SYNE1: variants seen among roughly 807,000 people sequenced by gnomAD.
SYNE1 encodes nesprin-1.
SYNE1 carries 616 observed loss-of-function variants against 1,111.0 expected under a neutral mutation model. That is an observed-to-expected ratio of 0.55 (90% confidence interval 0.52 to 0.59). The LOEUF is 0.59. Among genes scored for constraint, SYNE1 ranks in the 20% least tolerant of loss-of-function variants. The probability of loss-of-function intolerance (pLI) is 0.00; values close to 1 mark genes in which losing one functional copy is unlikely to be tolerated. For synonymous variants in SYNE1, 3,855 were observed against 3,825.8 expected (o/e 1.01, Z -0.28); for missense variants, 10,006 against 10,417.0 (o/e 0.96, Z 1.72).
chr6:152,632,627 C>T (rs1037416897), intron 2 of SYNE1, among the ~76,000 whole-genome samples: 1 of 152,130 alleles, frequency 6.6e-6, no homozygotes, highest in African/African-American at 2.4e-5. Flanking sequence ...AGGAAATGCA[C>T]AGACTTTGAT....
chr6:152,444,365 C>A, intron 30 of SYNE1, 46 bp downstream of exon 30: 3 of 1,600,594 alleles, frequency 1.9e-6, no homozygotes, highest in Non-Finnish European at 2.6e-6. Context: ...CTTTCAGTAG[C>A]AAATCAACTT....
At position 152,125,620 on chromosome 6, in the gene SYNE1, G is replaced by A. The variant is rs1585423603; in HGVS notation, c.26154-2944C>T. On this transcript the variant is annotated intron_variant, in intron 145 of 145. Coordinates refer to ENST00000367255, the MANE Select transcript of SYNE1 (RefSeq NM_182961.4). ...CCCTGGCAACCAACACTCAACACCT[G>A]TAGCTAGATGAGTTATAACAGAGTG... The A allele has an allele frequency of 2.5e-5, 9 of 356,436 alleles. No homozygotes were observed. The East Asian group carries it at 3.9e-4, about 15-fold the overall frequency. The allele number at this position is 356,436 out of a possible 1,614,324, so 22.1% of individuals were successfully genotyped here. A position where few individuals can be genotyped will look rare whatever the true frequency, so the allele number is the denominator to read the frequency against.
intron 30 of SYNE1, among the ~76,000 whole-genome samples, 153 bp from the exon 31 acceptor site, chr6:152,442,398 A>T (rs985179376): frequency 1.3e-5 from 2 of 152,212 alleles, no homozygotes; most frequent in African/African-American, 4.8e-5. Context: ...GTCGGTTGCT[A>T]TATTAGTCAA....
chr6:152,182,987 G>A (rs2068560187), intron 128 of SYNE1, among the ~76,000 whole-genome samples: 1 of 84,100 alleles, frequency 1.2e-5, no homozygotes, highest in Non-Finnish European at 2.1e-5. Flanking sequence ...AAAGGGCAGT[G>A]AACTTGGGGT....
intron 59 of SYNE1, 82 bp from the exon 60 acceptor site, chr6:152,369,696 AC>A: frequency 6.5e-7 from 1 of 1,549,562 alleles, no homozygotes; most frequent in Non-Finnish European, 8.8e-7. Flanking sequence ...TTCAAAGTCC[AC>A]CCAGGCTGGG....
intron 23 of SYNE1, 67 bp downstream of exon 23, chr6:152,455,819 G>A (rs184791184): frequency 1.3e-5 from 21 of 1,608,030 alleles, no homozygotes; most frequent in African/African-American, 4.0e-5. Context: ...AAGCACGAGT[G>A]ATGGTTTCTT....
At chr6:152,586,458 T>C (rs2099539310) in intron 3 of SYNE1, among the ~76,000 whole-genome samples, 1 of 152,218 alleles carries the variant, frequency 6.6e-6, no homozygotes, top group Non-Finnish European at 1.5e-5. Context: ...TTTTAACAGC[T>C]TTTCAGTTAA....
rs146161855 is a variant in SYNE1 at position 152,358,433 on chromosome 6, G to T, written c.10548C>A (p.Asp3516Glu). Residue 3516 changes from aspartate to glutamate, a missense_variant, in exon 66 of 146, where the codon GAC becomes GAA. By Grantham distance (45) the Asp-to-Glu change is conservative. Transcript: ENST00000367255. Reference protein sequence around the residue: ...VWLGQEQEKLDQYSVLEGDAH... With the variant: ...VWLGQEQEKLEQYSVLEGDAH... ...CATCACCTTCAAGAACTGAATACTG[G>T]TCGAGCTTTTCTTGTTCTTGCCCCA... is the stretch of plus-strand genomic sequence containing the variant. 9.9e-6 allele frequency: 16 copies of T among 1,614,008 alleles called. No homozygotes were observed. Among genetic ancestry groups the T allele is most frequent in the Non-Finnish European group, 1.4e-5 (16 of 1,180,030 alleles).
intron 6 of SYNE1, among the ~76,000 whole-genome samples, chr6:152,514,232 T>A (rs767718770): frequency 2.0e-5 from 3 of 152,192 alleles, no homozygotes; most frequent in Non-Finnish European, 2.9e-5. Context: ...CCAATCCAAA[T>A]GCCCAACAGT....
intron 51 of SYNE1, 42 bp downstream of exon 51, chr6:152,395,474 C>G: frequency 6.3e-7 from 1 of 1,592,624 alleles, no homozygotes; most frequent in Non-Finnish European, 8.5e-7. Context: ...TAGTCTAAAA[C>G]ATGGTAAGAG....
intron 105 of SYNE1, among the ~76,000 whole-genome samples, chr6:152,244,990 G>C (rs759937126): frequency 3.3e-5 from 5 of 152,158 alleles, no homozygotes; most frequent in Non-Finnish European, 5.9e-5. Context: ...TTAGGACATA[G>C]TTAAAAAAAG....
intron 18 of SYNE1, chr6:152,464,931 G>C (rs1375503871): frequency 2.6e-6 from 1 of 382,198 alleles, no homozygotes; most frequent in Non-Finnish European, 5.0e-6. Flanking sequence ...TCAGCACTAC[G>C]TGAAAACAAA....
At chr6:152,534,216 ATAAAATAAT>A (rs2099222293) in intron 4 of SYNE1, among the ~76,000 whole-genome samples, 1 of 152,180 alleles carries the variant, frequency 6.6e-6, no homozygotes, top group East Asian at 1.9e-4. Flanking sequence ...AAATAAATAA[ATAAAATAAT>A]ATATTTCTAA....
intron 6 of SYNE1, among the ~76,000 whole-genome samples, chr6:152,513,717 T>C (rs985971268): frequency 3.9e-5 from 6 of 152,114 alleles, no homozygotes; most frequent in Non-Finnish European, 8.8e-5. Flanking sequence ...AGAAAATTTT[T>C]GCAATCTATC....
At chr6:152,301,473 G>A (rs1353690545) in intron 92 of SYNE1, among the ~76,000 whole-genome samples, 3 of 152,196 alleles carry the variant, frequency 2.0e-5, no homozygotes, top group Non-Finnish European at 4.4e-5. Flanking sequence ...ATGCACATAT[G>A]TAGTTAGCTA....
intron 33 of SYNE1, chr6:152,435,678 G>T: frequency 1.8e-6 from 1 of 554,702 alleles, no homozygotes; most frequent in Non-Finnish European, 3.2e-6. Flanking sequence ...AAAGGCCACA[G>T]AATAGAATAG....
chr6:152,613,609 T>C (rs1052026861), intron 3 of SYNE1, among the ~76,000 whole-genome samples: 1 of 151,500 alleles, frequency 6.6e-6, no homozygotes, highest in South Asian at 2.1e-4. Flanking sequence ...TACCAATGAC[T>C]TTCTCCACAG....
chr6:152,271,483 A>AT (rs2093205837), intron 98 of SYNE1, among the ~76,000 whole-genome samples: 1 of 152,190 alleles, frequency 6.6e-6, no homozygotes, highest in Non-Finnish European at 1.5e-5. Context: ...TGCTAGTTGC[A>AT]TTTTGCAAGA....
intron 4 of SYNE1, among the ~76,000 whole-genome samples, chr6:152,530,026 A>C (rs2099188396): frequency 6.6e-6 from 1 of 152,212 alleles, no homozygotes; most frequent in South Asian, 2.1e-4. Flanking sequence ...GATGTTCACT[A>C]TAAATATAGT....
Sources: allele counts gnomAD v4.1 joint callset (sites outside exome capture counted in the v4.1 genomes callset), GRCh38; gene constraint gnomAD v4.1.1; transcripts MANE v1.5; gene names NCBI Gene and HGNC (gene_info 2026-07-23, HGNC 2026-07-21).